NCK2: variants seen among roughly 807,000 people sequenced by gnomAD.
The protein encoded by NCK2 is NCK adaptor protein 2, also known as cytoplasmic protein NCK2.
In NCK2, 16 loss-of-function variants were observed where a neutral mutation model predicts 33.9. The ratio of observed to expected loss-of-function variants is 0.47; its 90% confidence interval spans 0.32 to 0.72. The LOEUF is 0.72. Among genes scored for constraint, NCK2 ranks in the 30% least tolerant of loss-of-function variants. NCK2 has a pLI of 0.03. For synonymous variants in NCK2, 273 were observed against 239.9 expected, an observed-to-expected ratio of 1.14 and a Z score of -1.27; for missense variants, 418 against 537.3, an observed-to-expected ratio of 0.78 and a Z score of 2.19.
chr2:105,856,001 A>AT (rs1266001413), intron 3 of NCK2, among the ~76,000 whole-genome samples: 2 of 152,116 alleles, frequency 1.3e-5, no homozygotes, highest in South Asian at 4.2e-4. Flanking sequence ...CATCCGGCTA[A>AT]TTTTTTGTAT....
intron 1 of NCK2, among the ~76,000 whole-genome samples, chr2:105,812,446 A>T (rs1675323134): frequency 6.6e-6 from 1 of 152,182 alleles, no homozygotes; most frequent in South Asian, 2.1e-4. Context: ...TTCACTAGGA[A>T]TGAAATATAG....
At chr2:105,885,297 T>C (rs927674200) in intron 4 of NCK2, among the ~76,000 whole-genome samples, 8 of 152,232 alleles carry the variant, frequency 5.3e-5, no homozygotes, top group African/African-American at 1.9e-4. Flanking sequence ...TTTTTTGTCA[T>C]ACAGTACTTT....
intron 1 of NCK2, among the ~76,000 whole-genome samples, chr2:105,756,770 A>G (rs1037513168): frequency 6.6e-6 from 1 of 152,186 alleles, no homozygotes; most frequent in Non-Finnish European, 1.5e-5. Context: ...TTGGCTTTCC[A>G]TTACAATGGG....
At chr2:105,872,850 G>C (rs866440232) in intron 3 of NCK2, among the ~76,000 whole-genome samples, 2 of 152,340 alleles carry the variant, frequency 1.3e-5, no homozygotes, top group Middle Eastern at 6.8e-3. Flanking sequence ...AGAAATCTCT[G>C]AAAAAGTAAC....
At chr2:105,870,686 C>T (rs1677962935) in intron 3 of NCK2, among the ~76,000 whole-genome samples, 2 of 152,006 alleles carry the variant, frequency 1.3e-5, no homozygotes, top group Admixed American at 1.3e-4. Flanking sequence ...ACCTGGGAGG[C>T]GGAGGTTGCA....
chr2:105,870,380 T>G (rs1397000819), intron 3 of NCK2, among the ~76,000 whole-genome samples: 1 of 152,234 alleles, frequency 6.6e-6, no homozygotes, highest in Non-Finnish European at 1.5e-5. Flanking sequence ...CCTGCCATCC[T>G]GTGGCAGTCC....
In NCK2 at chr2:105,830,693, G is replaced by GTGTGTGTGTGTGTGTGTGTGTA. The variant is rs1553458066; in HGVS notation, c.-17+14101_-17+14102insATGTGTGTGTGTGTGTGTGTGT. On this transcript the variant is annotated intron_variant, in intron 2 of 4. Transcript: ENST00000233154. ...TTGGTGTGTGTGTGTGTGTGTGTGT[G>GTGTGTGTGTGTGTGTGTGTGTA]TGTGTGTGTGTGTGTGTGTGTGTTT... 4.7e-4 allele frequency among the ~76,000 whole-genome samples: 69 copies of GTGTGTGTGTGTGTGTGTGTGTA among 148,044 alleles called. 1 individual carries two copies. Among genetic ancestry groups the GTGTGTGTGTGTGTGTGTGTGTA allele is most frequent in the Middle Eastern group, 3.5e-3 (1 of 286 alleles).
intron 1 of NCK2, among the ~76,000 whole-genome samples, chr2:105,806,185 A>G (rs1016170394): frequency 6.7e-6 from 1 of 150,092 alleles, no homozygotes; most frequent in African/African-American, 2.5e-5. Context: ...TTGTATATGT[A>G]TGTGTGTGTG....
intron 1 of NCK2, among the ~76,000 whole-genome samples, chr2:105,754,813 GT>G (rs1360306550): frequency 1.3e-5 from 2 of 151,906 alleles, no homozygotes; most frequent in Non-Finnish European, 2.9e-5. Context: ...TTTTGAGACA[GT>G]TTTTGGGAAA....
chr2:105,857,348 C>T (rs965526360), intron 3 of NCK2, among the ~76,000 whole-genome samples: 1 of 152,284 alleles, frequency 6.6e-6, no homozygotes, highest in Non-Finnish European at 1.5e-5. Context: ...GCGCCCGTCC[C>T]CGACAGATGG....
intron 3 of NCK2, among the ~76,000 whole-genome samples, chr2:105,866,380 G>C (rs1265948095): frequency 6.6e-6 from 1 of 151,764 alleles, no homozygotes; most frequent in African/African-American, 2.4e-5. Context: ...GCTTCTTGCT[G>C]TTGTCAGTAC....
At chr2:105,809,486 G>A (rs1006960559) in intron 1 of NCK2, among the ~76,000 whole-genome samples, 3 of 152,110 alleles carry the variant, frequency 2.0e-5, no homozygotes, top group African/African-American at 7.2e-5. Context: ...TCTTTTCAAC[G>A]TGCACACCCT....
At chr2:105,859,862 GC>G (rs1347142936) in intron 3 of NCK2, among the ~76,000 whole-genome samples, 1 of 152,216 alleles carries the variant, frequency 6.6e-6, no homozygotes, top group Non-Finnish European at 1.5e-5. Flanking sequence ...TTGGTGATCT[GC>G]CCTGGGGTCT....
At chr2:105,765,069 C>T (rs574986169) in intron 1 of NCK2, among the ~76,000 whole-genome samples, 61 of 151,828 alleles carry the variant, frequency 4.0e-4, no homozygotes, top group Non-Finnish European at 2.9e-5. Context: ...TGCAGAGTTA[C>T]ATGGTATGGA....
intron 2 of NCK2, among the ~76,000 whole-genome samples, chr2:105,820,397 T>C (rs970246601): frequency 6.6e-6 from 1 of 152,236 alleles, no homozygotes; most frequent in African/African-American, 2.4e-5. Flanking sequence ...TTCCCAGTTA[T>C]TGGACACTCA....
chr2:105,811,868 G>C (rs1675305229), intron 1 of NCK2, among the ~76,000 whole-genome samples: 1 of 152,076 alleles, frequency 6.6e-6, no homozygotes, highest in Admixed American at 6.5e-5. Context: ...TTGACCTACT[G>C]CTTGCTATTT....
rs745496863 is a variant in NCK2, at chr2:105,892,963, T to C, written c.949-19T>C. ...CCCCGCTGTGGCCCGGCTGTAACTGTGTTCTGTTTCCTCCCCAGCCCAGCG... is the reference window on the plus strand; with the variant it reads ...CCCCGCTGTGGCCCGGCTGTAACTGCGTTCTGTTTCCTCCCCAGCCCAGCG... On this transcript the variant is annotated intron_variant, in intron 4 of 4. Transcript: ENST00000233154. The C allele has an allele frequency of 1.3e-6, 2 of 1,595,204 alleles. No homozygotes were observed. Among genetic ancestry groups the C allele is most frequent in the South Asian group, 1.1e-5 (1 of 90,010 alleles).
At chr2:105,857,925 A>G (rs757785848) in intron 3 of NCK2, among the ~76,000 whole-genome samples, 1 of 152,206 alleles carries the variant, frequency 6.6e-6, no homozygotes, top group African/African-American at 2.4e-5. Context: ...ACTTCTGTGC[A>G]AAGCTTATAG....
chr2:105,823,541 A>T (rs1675828347), intron 2 of NCK2, among the ~76,000 whole-genome samples: 1 of 152,042 alleles, frequency 6.6e-6, no homozygotes, highest in Admixed American at 6.5e-5. Context: ...CAAAATGGTT[A>T]TAAAACATGA....
Sources: allele counts gnomAD v4.1 joint callset (sites outside exome capture counted in the v4.1 genomes callset), GRCh38; gene constraint gnomAD v4.1.1; transcripts MANE v1.5; gene names NCBI Gene and HGNC (gene_info 2026-07-23, HGNC 2026-07-21).